Variants in HSPA12A observed in about 807,000 individuals in gnomAD.
HSPA12A encodes the protein heat shock 70 kDa protein 12A.
In HSPA12A, 28 loss-of-function variants were observed where a neutral mutation model predicts 69.2. The observed-to-expected ratio is 0.40, with a 90% CI of 0.30 to 0.55. HSPA12A has a LOEUF of 0.55. Among genes scored for constraint, HSPA12A ranks in the 20% least tolerant of loss-of-function variants. HSPA12A has a pLI of 0.38. For missense variants in HSPA12A, 686 were observed against 900.7 expected (o/e 0.76, Z 3.05); for synonymous variants, 345 against 370.5 (o/e 0.93, Z 0.79).
At chr10:116,791,463 C>G (rs544103022) in intron 2 of HSPA12A, among the ~76,000 whole-genome samples, 1 of 152,140 alleles carries the variant, frequency 6.6e-6, no homozygotes, top group Non-Finnish European at 1.5e-5. Flanking sequence ...AGGTTAATAT[C>G]GCCCCGTCAG....
intron 2 of HSPA12A, among the ~76,000 whole-genome samples, chr10:116,798,131 GC>G (rs148804477): frequency 0.016 from 2,168 of 131,528 alleles, 44 homozygotes; most frequent in East Asian, 0.15. Context: ...ACATGATCAG[GC>G]CCCGAACTGG....
intron 7 of HSPA12A, chr10:116,683,524 G>A: frequency 3.0e-6 from 1 of 336,294 alleles, no homozygotes; most frequent in Non-Finnish European, 5.4e-6. Context: ...ACCGCTCTCA[G>A]GCTACCCTCA....
At chr10:116,831,033 A>G (rs1845604443) in intron 2 of HSPA12A, 2 of 152,474 alleles carry the variant, frequency 1.3e-5, no homozygotes, top group South Asian at 4.1e-4. Flanking sequence ...CAATGATGAA[A>G]TTGCCTAATA....
chr10:116,779,836 A>C (rs1554891585), intron 2 of HSPA12A, among the ~76,000 whole-genome samples: 1 of 152,028 alleles, frequency 6.6e-6, no homozygotes, highest in Non-Finnish European at 1.5e-5. Flanking sequence ...CGGGATTCCT[A>C]AGGGCTTGGA....
chr10:116,732,343 A>G (rs929658119), intron 1 of HSPA12A, among the ~76,000 whole-genome samples: 2 of 150,616 alleles, frequency 1.3e-5, no homozygotes, highest in Admixed American at 1.3e-4. Context: ...AAAGAAAGAA[A>G]GAAAGAAAGA....
chr10:116,676,535 G>T (rs1554877743), intron 10 of HSPA12A, 33 bp from the exon 11 acceptor site: 2 of 1,534,754 alleles, frequency 1.3e-6, no homozygotes, highest in South Asian at 1.1e-5. Flanking sequence ...AGAGCAGGCA[G>T]TGAGGGTCTA....
intron 2 of HSPA12A, among the ~76,000 whole-genome samples, chr10:116,782,232 G>A (rs748201345): frequency 2.6e-5 from 4 of 152,200 alleles, no homozygotes; most frequent in African/African-American, 4.8e-5. Context: ...TATCCCAAGG[G>A]TTGGTGAGGA....
intron 2 of HSPA12A, among the ~76,000 whole-genome samples, chr10:116,775,967 G>A (rs77133775): frequency 0.012 from 1,796 of 152,320 alleles, 48 homozygotes; most frequent in African/African-American, 0.042. Flanking sequence ...AGAAGTTAAT[G>A]TGGCCTCACG....
intron 1 of HSPA12A, among the ~76,000 whole-genome samples, chr10:116,711,842 T>A (rs1850443887): frequency 6.6e-6 from 1 of 151,770 alleles, no homozygotes; most frequent in Non-Finnish European, 1.5e-5. Flanking sequence ...GTTTTTTTTT[T>A]TTAAATTTTT....
chr10:116,820,259 G>A (rs990831892), intron 2 of HSPA12A, among the ~76,000 whole-genome samples: 16 of 152,302 alleles, frequency 1.1e-4, no homozygotes, highest in African/African-American at 3.8e-4. Context: ...ATCTTGAACA[G>A]CAACATACTT....
chr10:116,737,759 G>A (rs1460460306), intron 1 of HSPA12A, among the ~76,000 whole-genome samples: 2 of 152,208 alleles, frequency 1.3e-5, no homozygotes, highest in Non-Finnish European at 2.9e-5. Context: ...GCCAGGTCAC[G>A]GTCAAGGCTG....
chr10:116,727,521 C>T (rs1851006673), intron 1 of HSPA12A, among the ~76,000 whole-genome samples: 1 of 152,112 alleles, frequency 6.6e-6, no homozygotes, highest in Non-Finnish European at 1.5e-5. Flanking sequence ...GGAGATGACA[C>T]AAGGGTGTGA....
At chr10:116,762,581 T>C (rs1554889378) in intron 2 of HSPA12A, among the ~76,000 whole-genome samples, 1 of 152,020 alleles carries the variant, frequency 6.6e-6, no homozygotes, top group African/African-American at 2.4e-5. Flanking sequence ...CTCCCCTTAC[T>C]CTTTCTTTTT....
chr10:116,722,387 C>T (rs1181085670), intron 1 of HSPA12A, among the ~76,000 whole-genome samples: 1 of 152,166 alleles, frequency 6.6e-6, no homozygotes, highest in Non-Finnish European at 1.5e-5. Flanking sequence ...CACGAGCCCA[C>T]GGCTCCAACC....
intron 1 of HSPA12A, among the ~76,000 whole-genome samples, chr10:116,713,994 G>A (rs1850526005): frequency 6.6e-6 from 1 of 151,524 alleles, no homozygotes; most frequent in Non-Finnish European, 1.5e-5. Context: ...ACTCAATGTT[G>A]GATGGATGGA....
At chr10:116,734,677 A>G (rs553078115) in intron 1 of HSPA12A, among the ~76,000 whole-genome samples, 4 of 131,386 alleles carry the variant, frequency 3.0e-5, no homozygotes, top group African/African-American at 1.2e-4. Flanking sequence ...CTTTTTTCAT[A>G]TATTAGCCTT....
intron 2 of HSPA12A, among the ~76,000 whole-genome samples, chr10:116,765,454 G>A (rs184302517): frequency 9.6e-4 from 146 of 152,162 alleles, no homozygotes; most frequent in African/African-American, 3.4e-3. Flanking sequence ...GGCCAAATCC[G>A]GGACCATAGG....
chr10:116,682,524 G>A (rs1849443131), intron 7 of HSPA12A, among the ~76,000 whole-genome samples: 1 of 152,078 alleles, frequency 6.6e-6, no homozygotes, highest in East Asian at 1.9e-4. Flanking sequence ...GGCGCGTCTG[G>A]GCCTGGCAAA....
chr10:116,699,523 G>T (rs894751428), intron 4 of HSPA12A, among the ~76,000 whole-genome samples: 1 of 152,132 alleles, frequency 6.6e-6, no homozygotes, highest in Non-Finnish European at 1.5e-5. Flanking sequence ...CCTCCAGATT[G>T]TCCCAGGCTG....
Sources: gnomAD v4.1 joint callset for allele counts (sites outside exome capture counted in the v4.1 genomes callset) on GRCh38, gnomAD v4.1.1 for gene constraint, MANE v1.5 for transcripts, NCBI Gene and HGNC (gene_info 2026-07-23, HGNC 2026-07-21) for gene names.